ATRNL1: variants seen among roughly 807,000 people sequenced by gnomAD.
The protein encoded by ATRNL1 is attractin-like protein 1.
A neutral mutation model predicts 182.7 loss-of-function variants in ATRNL1; 95 were observed. The observed-to-expected ratio is 0.52, with a 90% CI of 0.44 to 0.62. The LOEUF is 0.62. Ranked by LOEUF, ATRNL1 falls within the 20% of genes least tolerant of loss-of-function variation. ATRNL1 has a pLI of 0.00. For synonymous variants in ATRNL1, 576 were observed against 568.3 expected (o/e 1.01, Z -0.19); for missense variants, 1,471 against 1,679.5 (o/e 0.88, Z 2.17).
chr10:115,768,279 G>C (rs1948905463), intron 27 of ATRNL1, among the ~76,000 whole-genome samples: 1 of 151,954 alleles, frequency 6.6e-6, no homozygotes, highest in Non-Finnish European at 1.5e-5. Flanking sequence ...GCTACATGGT[G>C]GCTTTTTTAT....
At chr10:115,474,981 T>G (rs1554972835) in intron 24 of ATRNL1, among the ~76,000 whole-genome samples, 1 of 151,338 alleles carries the variant, frequency 6.6e-6, no homozygotes, top group Non-Finnish European at 1.5e-5. Flanking sequence ...TGTGCACAGA[T>G]GCTTGCAAGC....
chr10:115,464,323 A>G (rs1554970385), intron 22 of ATRNL1, among the ~76,000 whole-genome samples: 2 of 141,002 alleles, frequency 1.4e-5, no homozygotes, highest in Non-Finnish European at 3.2e-5. Context: ...TTATTTATAC[A>G]TTTCCTACAT....
intron 27 of ATRNL1, among the ~76,000 whole-genome samples, chr10:115,841,865 C>T (rs905716307): frequency 2.0e-5 from 3 of 152,182 alleles, no homozygotes; most frequent in African/African-American, 7.2e-5. Flanking sequence ...AATCAGGACA[C>T]TTGATTAGCT....
chr10:115,520,367 C>T (rs1202228380), intron 25 of ATRNL1, among the ~76,000 whole-genome samples: 2 of 152,132 alleles, frequency 1.3e-5, no homozygotes, highest in Non-Finnish European at 2.9e-5. Context: ...AAACATTTTC[C>T]ATTAAGGGCC....
In ATRNL1 at chr10:115,370,527, G is replaced by A. The variant is rs145070422; in HGVS notation, c.3176-24132G>A. 6.5e-3 allele frequency among the ~76,000 whole-genome samples: 995 copies of A among 152,310 alleles called. 11 individuals carry two copies. Among genetic ancestry groups the A allele is most frequent in the African/African-American group, 0.022 (934 of 41,554 alleles). On this transcript the variant is annotated intron_variant, in intron 19 of 28. Coordinates refer to ENST00000355044, the MANE Select transcript of ATRNL1 (RefSeq NM_207303.4). ...CTGGAGCAGAAGTGACTCTTGTTAC[G>A]TTTTAGCAAAGAGACTGGCGGCATT...
At chr10:115,395,574 TTTA>T (rs1844247442) in intron 20 of ATRNL1, among the ~76,000 whole-genome samples, 1 of 151,854 alleles carries the variant, frequency 6.6e-6, no homozygotes, top group Non-Finnish European at 1.5e-5. Context: ...TTTTCAGTCA[TTTA>T]TTATTAATTC....
intron 19 of ATRNL1, among the ~76,000 whole-genome samples, chr10:115,340,764 A>G (rs1554938135): frequency 6.6e-6 from 1 of 151,574 alleles, no homozygotes; most frequent in African/African-American, 2.4e-5. Flanking sequence ...GGTAGGTTGT[A>G]TCTGTGTAGG....
At chr10:115,121,609 G>A in intron 2 of ATRNL1, 90 bp from the exon 3 acceptor site, 1 of 444,416 alleles carries the variant, frequency 2.3e-6, no homozygotes, top group Non-Finnish European at 3.8e-6. Context: ...TTCACTCTGT[G>A]CTTTGTATAT....
chr10:115,768,626 A>T (rs1314095297), intron 27 of ATRNL1, among the ~76,000 whole-genome samples: 1 of 152,140 alleles, frequency 6.6e-6, no homozygotes, highest in African/African-American at 2.4e-5. Flanking sequence ...CGCCGTGAAC[A>T]CGCTAACTTT....
Position 115,621,303 on chromosome 10 carries a change from AGAGAGAGAGAGT to A in ATRNL1, c.3795+71769_3795+71780del, listed in dbSNP as rs1443655467. On this transcript the variant is annotated intron_variant, in intron 26 of 28. Coordinates refer to ENST00000355044, the MANE Select transcript of ATRNL1 (RefSeq NM_207303.4). ...GAGAGAGAGAGAGAGAGAGAGAGAG[AGAGAGAGAGAGT>A]GTGTGAGTGAGTCAGCATCTTACTT... Among the ~76,000 whole-genome samples, 258 of 137,256 alleles carry A rather than the reference AGAGAGAGAGAGT, an allele frequency of 1.9e-3. 6 individuals carry two copies. Among genetic ancestry groups the A allele is most frequent in the African/African-American group, 5.3e-3 (188 of 35,726 alleles). The allele number at this position is 137,256 out of a possible 152,430, so 90.0% of individuals were successfully genotyped here.
chr10:115,817,028 A>G (rs1372201675), intron 27 of ATRNL1, among the ~76,000 whole-genome samples: 2 of 151,902 alleles, frequency 1.3e-5, no homozygotes, highest in Non-Finnish European at 2.9e-5. Flanking sequence ...CCTAAACCCA[A>G]CTCTCAGGCT....
intron 27 of ATRNL1, among the ~76,000 whole-genome samples, chr10:115,819,503 C>T (rs7915450): frequency 0.056 from 8,503 of 152,112 alleles, 742 homozygotes; most frequent in African/African-American, 0.18. Flanking sequence ...TCACCGCTAG[C>T]ATGAGTTGTT....
chr10:115,710,069 A>G (rs568360373), intron 26 of ATRNL1, among the ~76,000 whole-genome samples: 4 of 152,014 alleles, frequency 2.6e-5, no homozygotes, highest in Admixed American at 6.6e-5. Flanking sequence ...AGGGATCTCA[A>G]TTCTTTAATG....
intron 19 of ATRNL1, among the ~76,000 whole-genome samples, chr10:115,364,567 G>C (rs1314387085): frequency 6.1e-5 from 9 of 148,150 alleles, no homozygotes; most frequent in Admixed American, 2.0e-4. Context: ...TTGAATAGGA[G>C]TGGTGAGAGA....
intron 19 of ATRNL1, among the ~76,000 whole-genome samples, chr10:115,389,500 CA>C (rs71010019): frequency 0.4 from 29,275 of 72,742 alleles, 6,819 homozygotes; most frequent in Middle Eastern, 0.58. Context: ...GACTCCGTCT[CA>C]AAAAAAAAAA....
chr10:115,166,012 C>A (rs1847022295), intron 7 of ATRNL1, among the ~76,000 whole-genome samples: 1 of 152,074 alleles, frequency 6.6e-6, no homozygotes, highest in African/African-American at 2.4e-5. Context: ...CTACCATTAT[C>A]TTCAGAACAT....
chr10:115,306,286 A>G (rs1253967205), intron 17 of ATRNL1, among the ~76,000 whole-genome samples: 1 of 152,194 alleles, frequency 6.6e-6, no homozygotes, highest in Non-Finnish European at 1.5e-5. Context: ...TTTCACTTGA[A>G]TGATAAAATG....
At chr10:115,454,821 G>T (rs1016910741) in intron 21 of ATRNL1, among the ~76,000 whole-genome samples, 10 of 152,042 alleles carry the variant, frequency 6.6e-5, no homozygotes, top group African/African-American at 2.2e-4. Flanking sequence ...GGAGCCTTTA[G>T]TATTTTATCT....
intron 19 of ATRNL1, among the ~76,000 whole-genome samples, chr10:115,371,667 A>G (rs1473403763): frequency 6.6e-6 from 1 of 152,178 alleles, no homozygotes; most frequent in African/African-American, 2.4e-5. Context: ...TTTTGATTTT[A>G]CAGTCTCATA....
Sources: gnomAD v4.1 joint callset for allele counts (sites outside exome capture counted in the v4.1 genomes callset) on GRCh38, gnomAD v4.1.1 for gene constraint, MANE v1.5 for transcripts, NCBI Gene and HGNC (gene_info 2026-07-23, HGNC 2026-07-21) for gene names.